Variants in EXOC4 observed in about 807,000 individuals in gnomAD.
The protein encoded by EXOC4 is exocyst complex component 4.
A neutral mutation model predicts 107.2 loss-of-function variants in EXOC4; 71 were observed. The ratio of observed to expected loss-of-function variants is 0.66; its 90% CI spans 0.55 to 0.81. The LOEUF is 0.81. Ranked by LOEUF, EXOC4 falls within the 30% of genes least tolerant of loss-of-function variation. The probability of loss-of-function intolerance (pLI) is 0.00; values close to 1 mark genes in which losing one functional copy is unlikely to be tolerated. For synonymous variants in EXOC4, 456 were observed against 441.2 expected (o/e 1.03, Z -0.42); for missense variants, 1,108 against 1,189.6 (o/e 0.93, Z 1.01).
At chr7:133,857,971 T>C (rs1798454418) in intron 11 of EXOC4, among the ~76,000 whole-genome samples, 1 of 152,030 alleles carries the variant, frequency 6.6e-6, no homozygotes, top group Non-Finnish European at 1.5e-5. Context: ...TCACATGGGG[T>C]AGCCGCCCAA....
chr7:133,587,278 T>A (rs1801429623), intron 9 of EXOC4, among the ~76,000 whole-genome samples: 1 of 152,194 alleles, frequency 6.6e-6, no homozygotes, highest in African/African-American at 2.4e-5. Context: ...ATTTAATACT[T>A]GTTTTGTCCA....
chr7:133,920,539 G>A lies in EXOC4; in HGVS notation c.2027+2801G>A, dbSNP rs114955377. Among the ~76,000 whole-genome samples, 367 of 152,152 alleles carry A rather than the reference G, an allele frequency of 2.4e-3. 5 individuals are homozygous for A. The highest frequency in any genetic ancestry group is 8.2e-3 in the African/African-American group (342 of 41,514). ...ATCCAAGTCTGCTTTCAATGACACTGTACCACTACACAGGCAGTGTAAGTA... is the reference window on the plus strand; with the variant it reads ...ATCCAAGTCTGCTTTCAATGACACTATACCACTACACAGGCAGTGTAAGTA... On this transcript the variant is annotated intron_variant, in intron 13 of 17. Coordinates refer to ENST00000253861, the MANE Select transcript of EXOC4 (RefSeq NM_021807.4).
At chr7:133,317,445 T>A in intron 5 of EXOC4, 55 bp downstream of exon 5, 2 of 1,268,328 alleles carry the variant, frequency 1.6e-6, no homozygotes, top group South Asian at 1.2e-5. Context: ...AGTTCCTAGG[T>A]AGATATCTGG....
chr7:133,940,777 A>AT lies in EXOC4; in HGVS notation c.2206+2721dup, dbSNP rs112795844. Among the ~76,000 whole-genome samples the AT allele has an allele frequency of 2.0e-3, 299 of 147,094 alleles. 2 individuals are homozygous for AT. Among genetic ancestry groups the AT allele is most frequent in the Middle Eastern group, 7.0e-3 (2 of 284 alleles). On this transcript the variant is annotated intron_variant, in intron 14 of 17. Coordinates refer to ENST00000253861, the MANE Select transcript of EXOC4 (RefSeq NM_021807.4). ...GGGAACAAGGGGACAGCTTTTTATT[A>AT]TTTTTTTTTTTTTGAAAAGTGAACC...
intron 1 of EXOC4, among the ~76,000 whole-genome samples, chr7:133,260,109 C>T (rs1009990654): frequency 6.6e-6 from 1 of 151,976 alleles, no homozygotes; most frequent in African/African-American, 2.4e-5. Context: ...TCTGTATTTG[C>T]TTTCTTTTGC....
chr7:133,429,468 T>C (rs752391243), intron 7 of EXOC4, among the ~76,000 whole-genome samples: 2 of 152,336 alleles, frequency 1.3e-5, no homozygotes, highest in African/African-American at 2.4e-5. Context: ...TAAGTCACCA[T>C]TTTAAAGAAT....
At chr7:133,531,474 CA>C (rs1405231599) in intron 9 of EXOC4, among the ~76,000 whole-genome samples, 2 of 152,182 alleles carry the variant, frequency 1.3e-5, no homozygotes, top group African/African-American at 4.8e-5. Context: ...AAAATTTTGA[CA>C]AGTAGGTGAA....
intron 17 of EXOC4, among the ~76,000 whole-genome samples, chr7:134,039,098 A>G (rs1795456352): frequency 6.6e-6 from 1 of 152,190 alleles, no homozygotes. Context: ...CTGAGTTGAC[A>G]TCTTGCTTAA....
chr7:133,674,199 A>G (rs1027267725), intron 10 of EXOC4, among the ~76,000 whole-genome samples: 5 of 152,242 alleles, frequency 3.3e-5, no homozygotes, highest in Non-Finnish European at 5.9e-5. Context: ...GTCAAAAGCT[A>G]TACCAAAAGC....
intron 9 of EXOC4, among the ~76,000 whole-genome samples, chr7:133,488,766 AG>A (rs1361915237): frequency 3.3e-5 from 5 of 152,046 alleles, no homozygotes; most frequent in Admixed American, 3.3e-4. Flanking sequence ...TGGATATGTA[AG>A]TTGTTGTAGA....
At chr7:133,606,584 G>A (rs747518836) in intron 9 of EXOC4, among the ~76,000 whole-genome samples, 2 of 149,560 alleles carry the variant, frequency 1.3e-5, no homozygotes, top group East Asian at 2.0e-4. Flanking sequence ...GTGCATTCTC[G>A]GCTCACTGAA....
intron 10 of EXOC4, among the ~76,000 whole-genome samples, chr7:133,798,800 T>C (rs1426839236): frequency 2.6e-5 from 4 of 151,938 alleles, no homozygotes; most frequent in Non-Finnish European, 5.9e-5. Flanking sequence ...CAAAAAAAAA[T>C]AAAATAAAAT....
chr7:133,793,678 C>G (rs1796751760), intron 10 of EXOC4, among the ~76,000 whole-genome samples: 1 of 152,034 alleles, frequency 6.6e-6, no homozygotes, highest in Admixed American at 6.6e-5. Flanking sequence ...AACCCCATCT[C>G]TACTAAAAAT....
Position 133,895,723 on chromosome 7 carries a change from C to T in EXOC4, c.1859C>T (p.Thr620Ile), listed in dbSNP as rs779783183. ...VKLQEYKDTC[T>I]AAYRGIVQSE... ...CTCCAGGAGTACAAGGACACCTGCACTGCAGCTTACAGGTAGAGCTTCTGT... is the reference window on the plus strand; with the variant it reads ...CTCCAGGAGTACAAGGACACCTGCATTGCAGCTTACAGGTAGAGCTTCTGT... The change falls in exon 12 of 18, where the codon ACT (threonine) becomes ATT (isoleucine). Residue 620 changes from threonine (T) to isoleucine (I), a missense_variant. Transcript: ENST00000253861. 2 of 1,613,960 alleles carry T rather than the reference C, an allele frequency of 1.2e-6. No individual in the cohort carries two copies. The highest frequency in any genetic ancestry group is 2.2e-5 in the South Asian group (2 of 91,034).
rs1797427174 is a variant in EXOC4 at position 133,414,356 on chromosome 7, T to A, written c.1182+39354T>A. On this transcript the variant is annotated intron_variant, in intron 7 of 17. Coordinates refer to ENST00000253861, the MANE Select transcript of EXOC4 (RefSeq NM_021807.4). The stretch of plus-strand genomic sequence containing the variant: ...GGATGAGAAGAAACAGGAACTCTTG[T>A]ATATTACTGATGAGAATAAATTACT... Among the ~76,000 whole-genome samples the A allele has an allele frequency of 2.0e-5, 3 of 152,188 alleles. No individual in the cohort carries two copies. The South Asian group carries it at 6.2e-4, about 31-fold the overall frequency.
the EXOC4 span, among the ~76,000 whole-genome samples, chr7:134,099,909 G>C: frequency 3.9e-5 from 6 of 151,914 alleles, no homozygotes; most frequent in Non-Finnish European, 8.8e-5. Flanking sequence ...GTTTCGCCAT[G>C]TTGGCCAGGC....
At chr7:133,946,821 T>TG (rs1317337722) in intron 14 of EXOC4, among the ~76,000 whole-genome samples, 1 of 152,238 alleles carries the variant, frequency 6.6e-6, no homozygotes, top group Non-Finnish European at 1.5e-5. Flanking sequence ...TATTTGAAAT[T>TG]GCTGATAACA....
At chr7:133,839,453 A>G (rs1183242994) in intron 11 of EXOC4, among the ~76,000 whole-genome samples, 1 of 152,190 alleles carries the variant, frequency 6.6e-6, no homozygotes, top group Non-Finnish European at 1.5e-5. Context: ...TGCTTTGAAG[A>G]TTGTGCTCTG....
At chr7:134,020,983 C>CAAAAA (rs34211829) in intron 17 of EXOC4, among the ~76,000 whole-genome samples, 2,054 of 135,594 alleles carry the variant, frequency 0.015, 54 homozygotes, top group African/African-American at 0.053. Flanking sequence ...AAGACTGTCT[C>CAAAAA]AAAAAAAAAA....
Sources: allele counts gnomAD v4.1 joint callset (sites outside exome capture counted in the v4.1 genomes callset), GRCh38; gene constraint gnomAD v4.1.1; transcripts MANE v1.5; gene names NCBI Gene and HGNC (gene_info 2026-07-23, HGNC 2026-07-21).